LDB1: variants seen among roughly 807,000 people sequenced by gnomAD.
LDB1 encodes the protein LIM domain-binding protein 1.
A neutral mutation model predicts 49.7 loss-of-function variants in LDB1; 6 were observed. The ratio of observed to expected loss-of-function variants is 0.12; its 90% CI spans 0.07 to 0.24. The LOEUF is 0.24. Ranked by LOEUF, LDB1 falls within the 10% of genes least tolerant of loss-of-function variation. LDB1 has a pLI of 1.00. For synonymous variants in LDB1, 233 were observed against 202.0 expected, an observed-to-expected ratio of 1.15 and a Z score of -1.30; for missense variants, 341 against 561.7, an observed-to-expected ratio of 0.61 and a Z score of 3.97.
rs996049832 is a variant in LDB1, at chr10:102,111,078, G to A, written c.240C>T (p.Asn80=). ...TTTCCCTTGGCCATACCTCTGTCCA[G>A]TTCTGAAGCCGTTTGTTAAGCTCAA... The part of the protein sequence containing the change: ...RIFELNKRLQ[N]WTEECDNLWW... Residue 80 remains asparagine (N), a synonymous_variant, in exon 4 of 11, where the codon AAC becomes AAT. Transcript: ENST00000673968. 6 of 1,614,050 alleles carry A rather than the reference G, an allele frequency of 3.7e-6. No individual in the cohort carries two copies. The African/African-American group carries it at 8.0e-5, about 22-fold the overall frequency.
Position 102,108,228 on chromosome 10 carries a change from G to A in LDB1, c.1101C>T (p.Asp367=), listed in dbSNP as rs199935791. The part of the protein sequence containing the change: ...LITRLENTQF[D]AANGIDDEDS... The stretch of plus-strand genomic sequence containing the variant: ...CCTCGTCGTCAATGCCGTTGGCTGC[G>A]TCAAACTGGGTGTTCTCCAGCCGGG... Residue 367 remains aspartate, a synonymous_variant, in exon 11 of 11, where the codon GAC becomes GAT. Transcript: ENST00000673968. 71 of 1,614,020 alleles carry A rather than the reference G, an allele frequency of 4.4e-5. No homozygotes were observed. Among genetic ancestry groups the A allele is most frequent in the South Asian group, 3.3e-4 (30 of 91,076 alleles).
intron 1 of LDB1, among the ~76,000 whole-genome samples, chr10:102,118,400 T>C (rs1036179424): frequency 1.4e-4 from 22 of 152,216 alleles, no homozygotes; most frequent in South Asian, 4.2e-4. Flanking sequence ...TTCTGGGGCA[T>C]TGACTGAAGT....
chr10:102,102,876 C>T (rs2133489019), downstream of LDB1, among the ~76,000 whole-genome samples: 1 of 152,232 alleles, frequency 6.6e-6, no homozygotes, highest in South Asian at 2.1e-4. Context: ...CACACTGTGG[C>T]CTCAAGCTCC....
chr10:102,103,349 T>C (rs2068133336), downstream of LDB1, among the ~76,000 whole-genome samples: 1 of 151,302 alleles, frequency 6.6e-6, no homozygotes, highest in African/African-American at 2.4e-5. Flanking sequence ...TTGTTGTTGT[T>C]GTTGTTTGAG....
rs1404079511 is a variant in LDB1 at position 102,120,327 on chromosome 10, C to A, written c.-217G>T. On this transcript the variant is annotated 5_prime_UTR_variant, in exon 1 of 11. Coordinates refer to ENST00000673968, the MANE Select transcript of LDB1 (RefSeq NM_001113407.3). ...GGAAGCCAGGCAGGAAGGCGAGCGG[C>A]CTCTGCGTGTGTGCGCGCGGGTGTG... 1.3e-5 allele frequency: 13 copies of A among 984,648 alleles called. No individual in the cohort carries two copies. Among genetic ancestry groups the A allele is most frequent in the Non-Finnish European group, 1.6e-5 (13 of 829,846 alleles). The allele number at this position is 984,648 out of a possible 1,614,324, so 61.0% of individuals were successfully genotyped here. A position where few individuals can be genotyped will look rare whatever the true frequency, so the allele number is the denominator to read the frequency against.
At chr10:102,105,439 G>T (rs1426204671), downstream of LDB1, among the ~76,000 whole-genome samples, 1 of 152,078 alleles carries the variant, frequency 6.6e-6, no homozygotes, top group Non-Finnish European at 1.5e-5. Flanking sequence ...CAGTCTATCG[G>T]GCTTTATTTC....
chr10:102,108,360 A>G, intron 10 of LDB1, 37 bp from the exon 11 acceptor site: 1 of 1,563,690 alleles, frequency 6.4e-7, no homozygotes, highest in Non-Finnish European at 8.8e-7. Flanking sequence ...TAATCGGGGC[A>G]AGGGCTCGCC....
chr10:102,114,812 G>GGGCCGCCCCCC, intron 1 of LDB1: 1 of 929,816 alleles, frequency 1.1e-6, no homozygotes, highest in Non-Finnish European at 1.3e-6. Context: ...CCTCCGAGCA[G>GGGCCGCCCCCC]CCCGCCCGCC....
chr10:102,109,756 G>T lies in LDB1; in HGVS notation c.649-73C>A. The T allele has an allele frequency of 6.5e-7, 1 of 1,548,642 alleles. No individual in the cohort carries two copies. Among genetic ancestry groups the T allele is most frequent in the Non-Finnish European group, 8.9e-7 (1 of 1,121,556 alleles). On this transcript the variant is annotated intron_variant, in intron 7 of 10. Transcript: ENST00000673968. The surrounding 1 kb of genome is among the most constrained non-coding windows in gnomAD (Gnocchi z 5.8). Reference sequence around the variant, plus strand: ...TCTGCTCACCTGCCCTATCATCTGAGCATTGTGACACTCCTGAGAGAGGAT... The same window carrying T: ...TCTGCTCACCTGCCCTATCATCTGATCATTGTGACACTCCTGAGAGAGGAT...
chr10:102,109,661 T>A lies in LDB1; in HGVS notation c.671A>T (p.Asp224Val). ...AMHAQDPQML[D>V]QLSKNITRCG... ...CCGAGTGATGTTTTTGGAGAGCTGA[T>A]CCAACATCTGGGGGTCTTGGGCCTA... Residue 224 changes from aspartate (D) to valine (V), a missense_variant, in exon 8 of 11, where the codon GAT (aspartate) becomes GTT (valine). Asp to Val is a radical substitution (Grantham distance 152, BLOSUM62 -3). This residue lies in a region of LDB1 where 233 missense variants were observed against 385.7 expected (regional missense o/e 0.60). Transcript: ENST00000673968. This position sits in a 1 kb window ranked among gnomAD's most constrained non-coding sequence, Gnocchi z 5.8. 1 of 1,614,036 alleles carries A rather than the reference T, an allele frequency of 6.2e-7. No homozygotes were observed. Among genetic ancestry groups the A allele is most frequent in the Non-Finnish European group, 8.5e-7 (1 of 1,179,970 alleles).
Position 102,109,185 on chromosome 10 carries a change from G to A in LDB1, c.857-8C>T, listed in dbSNP as rs761138644. ...GCTGACGTGTGGGCTCCGCTGTGCCGGTAAACGGAGACTCAGATGGGAGAG... is the reference window on the plus strand; with the variant it reads ...GCTGACGTGTGGGCTCCGCTGTGCCAGTAAACGGAGACTCAGATGGGAGAG... On this transcript the variant is annotated splice_region_variant and splice_polypyrimidine_tract_variant and intron_variant, in intron 9 of 10. Coordinates refer to ENST00000673968, the MANE Select transcript of LDB1 (RefSeq NM_001113407.3). The surrounding 1 kb of genome is among the most constrained non-coding windows in gnomAD (Gnocchi z 5.8). The A allele has an allele frequency of 1.7e-5, 27 of 1,613,180 alleles. No individual in the cohort carries two copies. Among genetic ancestry groups the A allele is most frequent in the East Asian group, 6.7e-5 (3 of 44,892 alleles).
intron 1 of LDB1, among the ~76,000 whole-genome samples, chr10:102,116,738 A>G (rs2068340336): frequency 6.6e-6 from 1 of 152,096 alleles, no homozygotes; most frequent in Non-Finnish European, 1.5e-5. Flanking sequence ...CTGGCCATAG[A>G]ATAAACCCCA....
chr10:102,109,799 G>A lies in LDB1; in HGVS notation c.649-116C>T, dbSNP rs1590281437. 10 of 1,547,800 alleles carry A rather than the reference G, an allele frequency of 6.5e-6. No homozygotes were observed. Among genetic ancestry groups the A allele is most frequent in the Non-Finnish European group, 8.9e-6 (10 of 1,126,518 alleles). Reference sequence around the variant, plus strand: ...GAGAGGATAGTCTCTTATTAAACCTGCTGTTCAGATGAAGAAACCCTAACC... The same window carrying A: ...GAGAGGATAGTCTCTTATTAAACCTACTGTTCAGATGAAGAAACCCTAACC... On this transcript the variant is annotated intron_variant, in intron 7 of 10. Transcript: ENST00000673968. The surrounding 1 kb of genome is among the most constrained non-coding windows in gnomAD (Gnocchi z 5.8).
chr10:102,119,848 A>C lies in LDB1; in HGVS notation c.25+238T>G, dbSNP rs577256446. Among the ~76,000 whole-genome samples, 174 of 116,868 alleles carry C rather than the reference A, an allele frequency of 1.5e-3. 1 individual carries two copies. The highest frequency in any genetic ancestry group is 3.9e-3 in the Admixed American group (43 of 11,012). 76.7% of individuals were successfully genotyped at this position (116,868 alleles called of 152,430 possible). A position where few individuals can be genotyped will look rare whatever the true frequency, so the allele number is the denominator to read the frequency against. ...ACCTCTCCCCAATTAGCCTACCCCC[A>C]AAAAAACATACACATAAGCCACCCC... On this transcript the variant is annotated intron_variant, in intron 1 of 10. Transcript: ENST00000673968.
rs1417629168 is a variant in LDB1 at position 102,107,545 on chromosome 10, G to C, written c.*548C>G. The stretch of plus-strand genomic sequence containing the variant: ...CTGGACTTTTAATAGGGGGAAGAGG[G>C]GGGGACATGAGTGATTTTTTTTTTA... On this transcript the variant is annotated 3_prime_UTR_variant, in exon 11 of 11. Transcript: ENST00000673968. 2 of 153,792 alleles carry C rather than the reference G, an allele frequency of 1.3e-5. No individual in the cohort carries two copies. The highest frequency in any genetic ancestry group is 2.4e-5 in the African/African-American group (1 of 41,368). 9.5% of individuals were successfully genotyped at this position (153,792 alleles called of 1,614,324 possible). A position where few individuals can be genotyped will look rare whatever the true frequency, so the allele number is the denominator to read the frequency against.
rs144145554 is a variant in LDB1 at position 102,106,684 on chromosome 10, G to C, written c.*1409C>G. Among the ~76,000 whole-genome samples, 1 of 151,574 alleles carries C rather than the reference G, an allele frequency of 6.6e-6. No individual in the cohort carries two copies. Among genetic ancestry groups the C allele is most frequent in the Non-Finnish European group, 1.5e-5 (1 of 67,926 alleles). On this transcript the variant is annotated 3_prime_UTR_variant, in exon 11 of 11. Coordinates refer to ENST00000673968, the MANE Select transcript of LDB1 (RefSeq NM_001113407.3). ...GTGGCAGCTGGAGTGGAGGAAATAC[G>C]GTGTGGGGGACCCCAGAATCCAGAG...
chr10:102,118,557 C>T (rs1449398856), intron 1 of LDB1, among the ~76,000 whole-genome samples: 1 of 152,246 alleles, frequency 6.6e-6, no homozygotes, highest in Non-Finnish European at 1.5e-5. Flanking sequence ...CTCCCATCCA[C>T]CTCCAGCCTG....
chr10:102,113,701 T>A (rs1210942788), intron 1 of LDB1, among the ~76,000 whole-genome samples: 1 of 151,756 alleles, frequency 6.6e-6, no homozygotes, highest in East Asian at 1.9e-4. Flanking sequence ...TTGAAATGTG[T>A]TAGCTCAAGA....
chr10:102,108,900 C>CTTTTACTG, intron 10 of LDB1, 129 bp downstream of exon 10: 2 of 1,229,810 alleles, frequency 1.6e-6, no homozygotes, highest in Non-Finnish European at 2.4e-6. Context: ...AAGCAGTTAG[C>CTTTTACTG]CCATGCTGGC....
Sources: gnomAD v4.1 joint callset for allele counts (sites outside exome capture counted in the v4.1 genomes callset) on GRCh38, gnomAD v4.1.1 for gene constraint, gnomAD v4.1.1 regional missense constraint, Gnocchi (gnomAD v3.1) non-coding constraint, MANE v1.5 for transcripts, NCBI Gene and HGNC (gene_info 2026-07-23, HGNC 2026-07-21) for gene names.